The following FBXO36 variants were observed in gnomAD, a reference collection of about 807,000 sequenced individuals.
FBXO36 encodes F-box protein 36.
FBXO36 carries 18 observed loss-of-function variants against 17.0 expected under a neutral mutation model. The ratio of observed to expected loss-of-function variants is 1.06; its 90% CI spans 0.73 to 1.57. The LOEUF is 1.57. Among genes scored for constraint, FBXO36 ranks in the 40% most tolerant of loss-of-function variants. The pLI is 0.00. For missense variants in FBXO36, 229 were observed against 221.9 expected, an observed-to-expected ratio of 1.03 and a Z score of -0.20; for synonymous variants, 83 against 85.3, an observed-to-expected ratio of 0.97 and a Z score of 0.15.
chr2:229,946,801 C>T (rs937643338), intron 1 of FBXO36, among the ~76,000 whole-genome samples: 2 of 152,118 alleles, frequency 1.3e-5, no homozygotes, highest in Non-Finnish European at 2.9e-5. Flanking sequence ...TAGTACAATG[C>T]CAAGCACAGT....
intron 1 of FBXO36, among the ~76,000 whole-genome samples, chr2:229,967,136 G>A (rs2077157645): frequency 6.6e-6 from 1 of 152,122 alleles, no homozygotes; most frequent in Non-Finnish European, 1.5e-5. Flanking sequence ...TCTCTTTGAA[G>A]CAATTGTGAA....
At chr2:229,999,514 T>G (rs1459834042) in intron 3 of FBXO36, among the ~76,000 whole-genome samples, 1 of 148,740 alleles carries the variant, frequency 6.7e-6, no homozygotes. Flanking sequence ...TATATATATA[T>G]ATGTATGTGT....
At chr2:229,922,790 C>T (rs762786478) in intron 1 of FBXO36, among the ~76,000 whole-genome samples, 181 bp downstream of exon 1, 4 of 152,220 alleles carry the variant, frequency 2.6e-5, no homozygotes, top group Admixed American at 6.5e-5. Flanking sequence ...CCCGCGTGTC[C>T]CTGCTCTCCC....
chr2:229,989,148 A>C (rs2077285500), intron 2 of FBXO36, among the ~76,000 whole-genome samples: 1 of 152,148 alleles, frequency 6.6e-6, no homozygotes, highest in African/African-American at 2.4e-5. Context: ...AATGATACTG[A>C]TCTTTTTTCA....
At chr2:229,942,820 A>T (rs1053780429) in intron 1 of FBXO36, 3 of 152,164 alleles carry the variant, frequency 2.0e-5, no homozygotes, top group African/African-American at 4.8e-5. Flanking sequence ...CCTGTTTGGG[A>T]GCTTTTTCCC....
chr2:229,943,099 T>G (rs2077008415), intron 1 of FBXO36: 1 of 152,196 alleles, frequency 6.6e-6, no homozygotes, highest in Non-Finnish European at 1.5e-5. Context: ...TGAACTTGGT[T>G]GTAGTGATGT....
rs1043310539 is a variant in FBXO36 at position 229,990,226 on chromosome 2, TATATG to T, written c.206-6520_206-6516del. 2.0e-5 allele frequency among the ~76,000 whole-genome samples: 3 copies of T among 148,736 alleles called. No individual in the cohort carries two copies. In the Admixed American group the frequency reaches 2.0e-4, roughly 10 times the overall value. The stretch of plus-strand genomic sequence containing the variant: ...ATTGTGAGGGTTAAATTATATAATA[TATATG>T]ATATATCTTATATATATTGTATAAT... On this transcript the variant is annotated intron_variant, in intron 2 of 3. Coordinates refer to ENST00000283946, the MANE Select transcript of FBXO36 (RefSeq NM_174899.5).
intron 3 of FBXO36, among the ~76,000 whole-genome samples, chr2:230,006,708 A>G (rs2077388619): frequency 6.6e-6 from 1 of 152,192 alleles, no homozygotes; most frequent in Non-Finnish European, 1.5e-5. Flanking sequence ...GCAGATCTGC[A>G]GGCACATGGT....
At chr2:229,980,816 TA>T (rs2077235372) in intron 2 of FBXO36, among the ~76,000 whole-genome samples, 1 of 152,126 alleles carries the variant, frequency 6.6e-6, no homozygotes, top group Non-Finnish European at 1.5e-5. Context: ...CCAGGCTTTT[TA>T]AATGGTAGTT....
intron 1 of FBXO36, among the ~76,000 whole-genome samples, chr2:229,973,611 C>T (rs1459700614): frequency 6.6e-6 from 1 of 151,548 alleles, no homozygotes; most frequent in African/African-American, 2.4e-5. Context: ...ATCCCAGCTA[C>T]TCAGGAGGCT....
At chr2:229,926,370 G>A (rs1347923577) in intron 1 of FBXO36, among the ~76,000 whole-genome samples, 5 of 151,920 alleles carry the variant, frequency 3.3e-5, no homozygotes, top group Admixed American at 6.6e-5. Context: ...AGCAAAGGTT[G>A]CAGTGAGCTG....
Position 229,996,847 on chromosome 2 carries a change from TG to T in FBXO36, c.303del (p.Leu101PhefsTer3). On this transcript the variant is annotated frameshift_variant, in exon 3 of 4. Transcript: ENST00000283946. LOFTEE classifies it high-confidence loss of function. ...TTCCTTGAACGGCTCTCAGACGATT[TG>T]CTCCTGACTATCATTTCTTATCTGG... ...FDFLERLSDD[L>X]LLTIISYLDL... 6.2e-7 allele frequency: 1 copy of T among 1,614,170 alleles called. No homozygotes were observed. The highest frequency in any genetic ancestry group is 1.7e-5 in the Admixed American group (1 of 60,024).
At chr2:229,943,539 G>A (rs907120720) in intron 1 of FBXO36, among the ~76,000 whole-genome samples, 1 of 151,932 alleles carries the variant, frequency 6.6e-6, no homozygotes, top group Non-Finnish European at 1.5e-5. Flanking sequence ...ATAAATCATG[G>A]TGGCTGTGGT....
intron 3 of FBXO36, among the ~76,000 whole-genome samples, chr2:230,009,952 A>AG (rs1193904902): frequency 6.9e-6 from 1 of 144,054 alleles, no homozygotes; most frequent in Admixed American, 6.9e-5. Flanking sequence ...TCTAAAAAAA[A>AG]TAAATAGATA....
chr2:229,996,678 G>A (rs940086782), intron 2 of FBXO36, 73 bp from the exon 3 acceptor site: 55 of 1,468,856 alleles, frequency 3.7e-5, no homozygotes, highest in Admixed American at 2.1e-4. Flanking sequence ...CCTGAAGCTT[G>A]TATTTCACTG....
At chr2:229,990,279 A>G (rs2077291980) in intron 2 of FBXO36, among the ~76,000 whole-genome samples, 1 of 149,816 alleles carries the variant, frequency 6.7e-6, no homozygotes, top group Non-Finnish European at 1.5e-5. Context: ...CACACTTTAT[A>G]TATATACATA....
At chr2:229,956,810 C>T (rs1270433404) in intron 1 of FBXO36, among the ~76,000 whole-genome samples, 19 of 152,172 alleles carry the variant, frequency 1.2e-4, no homozygotes, top group Non-Finnish European at 4.4e-5. Flanking sequence ...GACTAGTTCT[C>T]CTTTAGTTCA....
intron 2 of FBXO36, among the ~76,000 whole-genome samples, chr2:229,988,025 A>G (rs1256906123): frequency 6.6e-6 from 1 of 152,136 alleles, no homozygotes; most frequent in Admixed American, 6.6e-5. Context: ...TTGCGTCTTT[A>G]TTCTCATTCA....
rs1003948015 is a variant in FBXO36, at chr2:229,976,475, A to G, written c.205+126A>G. ...TATGCAGTTATGTACTTACATATAC[A>G]ATGTTAGATTCTTAAAAACTAGAAA... On this transcript the variant is annotated intron_variant, in intron 2 of 3. Coordinates refer to ENST00000283946, the MANE Select transcript of FBXO36 (RefSeq NM_174899.5). 1.5e-5 allele frequency: 10 copies of G among 646,104 alleles called. No homozygotes were observed. In the South Asian group the frequency reaches 2.0e-4, roughly 13 times the overall value. 40.0% of individuals were successfully genotyped at this position (646,104 alleles called of 1,614,324 possible). A position where few individuals can be genotyped will look rare whatever the true frequency, so the allele number is the denominator to read the frequency against.
Sources: gnomAD v4.1 joint callset for allele counts (sites outside exome capture counted in the v4.1 genomes callset) on GRCh38, gnomAD v4.1.1 for gene constraint, MANE v1.5 for transcripts, NCBI Gene and HGNC (gene_info 2026-07-23, HGNC 2026-07-21) for gene names.